CYRIB: variants seen among roughly 807,000 people sequenced by gnomAD.
CYRIB encodes CYFIP related Rac1 interactor B.
Under a neutral mutation model 44.2 loss-of-function variants are expected in CYRIB, and 8 were observed. That is an observed-to-expected ratio of 0.18 (90% confidence interval 0.11 to 0.33). The LOEUF (loss-of-function observed/expected upper bound fraction) is 0.33, where lower values mean the gene tolerates loss of function less well. Ranked by LOEUF, CYRIB falls within the 10% of genes least tolerant of loss-of-function variation. The pLI is 1.00. For missense variants in CYRIB, 185 were observed against 382.8 expected (o/e 0.48, Z 4.31); for synonymous variants, 131 against 127.2 (o/e 1.03, Z -0.20).
chr8:129,999,391 G>A (rs897945007), intron 1 of CYRIB, among the ~76,000 whole-genome samples: 1 of 152,218 alleles, frequency 6.6e-6, no homozygotes, highest in African/African-American at 2.4e-5. Flanking sequence ...TGACCCCCCA[G>A]GAACACAGAG....
chr8:129,939,328 C>A (rs2093383363), intron 1 of CYRIB, among the ~76,000 whole-genome samples: 1 of 135,884 alleles, frequency 7.4e-6, no homozygotes, highest in Non-Finnish European at 1.6e-5. Context: ...TGGGAGGGGG[C>A]GGCGAGAGCG....
chr8:129,937,881 TTC>T (rs35554242), intron 1 of CYRIB, among the ~76,000 whole-genome samples: 149 of 146,898 alleles, frequency 1.0e-3, no homozygotes, highest in African/African-American at 1.5e-3. Flanking sequence ...CAAATACACA[TTC>T]TCTCTCTCTC....
chr8:129,944,886 ACACT>A (rs1361498629), intron 2 of CYRIB, among the ~76,000 whole-genome samples: 2 of 152,162 alleles, frequency 1.3e-5, no homozygotes, highest in Non-Finnish European at 2.9e-5. Flanking sequence ...ATATTTCTAC[ACACT>A]CACATCTATC....
At chr8:129,991,021 A>G (rs1399424923) in intron 1 of CYRIB, among the ~76,000 whole-genome samples, 1 of 150,786 alleles carries the variant, frequency 6.6e-6, no homozygotes, top group Non-Finnish European at 1.5e-5. Flanking sequence ...AATCCCAGCT[A>G]CTCGGGAGGC....
At chr8:129,931,997 CTTT>C (rs1235113746) in intron 1 of CYRIB, among the ~76,000 whole-genome samples, 3 of 129,398 alleles carry the variant, frequency 2.3e-5, no homozygotes, top group Admixed American at 7.9e-5. Flanking sequence ...TAAGTATCTT[CTTT>C]TTTTTTTTTT....
At chr8:129,977,754 G>C (rs374134706) in intron 1 of CYRIB, among the ~76,000 whole-genome samples, 170 of 152,088 alleles carry the variant, frequency 1.1e-3, no homozygotes, top group East Asian at 2.5e-3. Flanking sequence ...GGATGGTCTC[G>C]ATCTCCTGAC....
intron 1 of CYRIB, among the ~76,000 whole-genome samples, chr8:129,929,718 TTCA>T (rs928952772): frequency 6.6e-5 from 10 of 152,164 alleles, no homozygotes; most frequent in African/African-American, 2.4e-4. Context: ...ATAAGTGATT[TTCA>T]CTTTCTGCCT....
chr8:130,004,276 A>C (rs970473846), intron 1 of CYRIB, among the ~76,000 whole-genome samples: 1 of 151,930 alleles, frequency 6.6e-6, no homozygotes, highest in South Asian at 2.1e-4. Context: ...TTTCTTTTTT[A>C]TTTTTTGTTT....
chr8:129,893,751 A>G (rs1172448772), intron 2 of CYRIB, among the ~76,000 whole-genome samples: 2 of 151,818 alleles, frequency 1.3e-5, no homozygotes, highest in African/African-American at 4.8e-5. Flanking sequence ...TCCAGGCTGG[A>G]CTTGAACTCC....
chr8:129,852,720 TAAACAAGGTATTCCAATCTGGC>T (rs2043986738), intron 7 of CYRIB, among the ~76,000 whole-genome samples: 1 of 152,172 alleles, frequency 6.6e-6, no homozygotes, highest in South Asian at 2.1e-4. Context: ...ATTGGGCAGG[TAAACAAGGTATTCCAATCTGGC>T]AGGGGAAAGA....
chr8:129,953,467 A>C (rs1037323336), intron 2 of CYRIB, among the ~76,000 whole-genome samples: 2 of 152,186 alleles, frequency 1.3e-5, no homozygotes, highest in African/African-American at 4.8e-5. Flanking sequence ...CATTTTGAGC[A>C]AACCAGGTCA....
intron 2 of CYRIB, among the ~76,000 whole-genome samples, chr8:129,881,015 T>G (rs949580083): frequency 1.3e-5 from 2 of 152,228 alleles, no homozygotes; most frequent in African/African-American, 4.8e-5. Flanking sequence ...TTAATCAAAC[T>G]TATTATTTAA....
chr8:129,940,105 G>C (rs893943620), upstream of CYRIB, among the ~76,000 whole-genome samples: 10 of 152,190 alleles, frequency 6.6e-5, no homozygotes, highest in African/African-American at 2.4e-4. Context: ...CTTCTGAGTG[G>C]GTTGGGGTCT....
chr8:129,977,490 T>C (rs2095985882), intron 1 of CYRIB, among the ~76,000 whole-genome samples: 1 of 152,096 alleles, frequency 6.6e-6, no homozygotes, highest in South Asian at 2.1e-4. Flanking sequence ...CATGGGCCAA[T>C]TCCCATCCTA....
intron 1 of CYRIB, among the ~76,000 whole-genome samples, chr8:129,935,212 C>T (rs1237484605): frequency 6.6e-6 from 1 of 152,076 alleles, no homozygotes; most frequent in Non-Finnish European, 1.5e-5. Flanking sequence ...AAATGCTTGA[C>T]CTAAAGTAGT....
At position 129,959,299 on chromosome 8, in the gene CYRIB, G is replaced by A. The variant is rs187215566; in HGVS notation, c.-243+11644C>T. Among the ~76,000 whole-genome samples the A allele has an allele frequency of 5.0e-3, 757 of 152,200 alleles. 6 individuals are homozygous for A. The highest frequency in any genetic ancestry group is 7.3e-3 in the Non-Finnish European group (495 of 68,008). Reference sequence around the variant, plus strand: ...ACCCCACTACTTGCTTCCTAGGTGTGTGTGGTGTGTGACTGCCTGCAAGCA... The same window carrying A: ...ACCCCACTACTTGCTTCCTAGGTGTATGTGGTGTGTGACTGCCTGCAAGCA... On this transcript the variant is annotated intron_variant, in intron 2 of 14. Transcript: ENST00000401979.
At chr8:129,956,842 C>CTCTT (rs1190373657) in intron 2 of CYRIB, among the ~76,000 whole-genome samples, 4 of 125,002 alleles carry the variant, frequency 3.2e-5, no homozygotes, top group Non-Finnish European at 6.6e-5. Context: ...CCCCCAGCCT[C>CTCTT]TCTTTCTTTC....
chr8:129,970,321 G>A (rs2095641553), intron 2 of CYRIB, among the ~76,000 whole-genome samples: 1 of 152,108 alleles, frequency 6.6e-6, no homozygotes, highest in Non-Finnish European at 1.5e-5. Context: ...GAAGTGCACT[G>A]TCACAGACAG....
chr8:129,988,392 T>C (rs552020911), intron 1 of CYRIB, among the ~76,000 whole-genome samples: 9 of 152,108 alleles, frequency 5.9e-5, no homozygotes, highest in Admixed American at 1.3e-4. Flanking sequence ...AATCTTACAC[T>C]CAGGAACCCT....
Sources: gnomAD v4.1 joint callset for allele counts (sites outside exome capture counted in the v4.1 genomes callset) on GRCh38, gnomAD v4.1.1 for gene constraint, MANE v1.5 for transcripts, NCBI Gene and HGNC (gene_info 2026-07-23, HGNC 2026-07-21) for gene names.